Variants in GPC5 observed in about 807,000 individuals in gnomAD.
The protein encoded by GPC5 is glypican 5, also known as glypican-5.
A neutral mutation model predicts 53.9 loss-of-function variants in GPC5; 47 were observed. The ratio of observed to expected loss-of-function variants is 0.87; its 90% CI spans 0.69 to 1.11. GPC5 has a LOEUF of 1.11. Among genes scored for constraint, GPC5 ranks in the 50% most tolerant of loss-of-function variants. The probability of loss-of-function intolerance (pLI) is 0.00; values close to 1 mark genes in which losing one functional copy is unlikely to be tolerated. For synonymous variants in GPC5, 286 were observed against 263.3 expected, an observed-to-expected ratio of 1.09 and a Z score of -0.84; for missense variants, 748 against 713.1, an observed-to-expected ratio of 1.05 and a Z score of -0.56.
intron 2 of GPC5, among the ~76,000 whole-genome samples, chr13:91,657,699 T>A (rs958840338): frequency 2.4e-4 from 36 of 151,376 alleles, no homozygotes; most frequent in African/African-American, 7.5e-4. Context: ...CTAAACCTGA[T>A]AAAAAAAAAT....
intron 7 of GPC5, among the ~76,000 whole-genome samples, chr13:92,502,993 T>G (rs1043013795): frequency 6.6e-6 from 1 of 151,960 alleles, no homozygotes; most frequent in African/African-American, 2.4e-5. Flanking sequence ...CATAATGTGT[T>G]CTACAATAAT....
chr13:91,744,813 C>T (rs1481249441), intron 4 of GPC5, among the ~76,000 whole-genome samples: 2 of 151,964 alleles, frequency 1.3e-5, no homozygotes, highest in African/African-American at 4.8e-5. Flanking sequence ...AAGATTTGAC[C>T]TAAAATACTG....
At chr13:92,344,362 A>G (rs1456579609) in intron 7 of GPC5, among the ~76,000 whole-genome samples, 2 of 152,248 alleles carry the variant, frequency 1.3e-5, no homozygotes, top group Non-Finnish European at 2.9e-5. Context: ...CTCCCACGAC[A>G]TGCAGGGATT....
chr13:91,706,622 T>C (rs1013978282), intron 3 of GPC5, among the ~76,000 whole-genome samples: 1 of 152,114 alleles, frequency 6.6e-6, no homozygotes, highest in Non-Finnish European at 1.5e-5. Flanking sequence ...AGGTTGCTTA[T>C]GATGGATGGT....
chr13:92,782,222 C>A (rs1408724929), intron 7 of GPC5, among the ~76,000 whole-genome samples: 1 of 152,098 alleles, frequency 6.6e-6, no homozygotes, highest in Non-Finnish European at 1.5e-5. Flanking sequence ...AGTTTTTTAT[C>A]CCCTTTCTAC....
At chr13:91,928,425 G>T (rs1393249082) in intron 6 of GPC5, among the ~76,000 whole-genome samples, 1 of 152,158 alleles carries the variant, frequency 6.6e-6, no homozygotes, top group African/African-American at 2.4e-5. Context: ...TTAACAGAGT[G>T]CCCCTTCCTT....
intron 5 of GPC5, among the ~76,000 whole-genome samples, chr13:91,798,646 G>A (rs1350095746): frequency 1.3e-5 from 2 of 152,104 alleles, no homozygotes; most frequent in South Asian, 2.1e-4. Flanking sequence ...GTGCTACAAT[G>A]AATATACATG....
chr13:92,460,892 T>C (rs1878451244), intron 7 of GPC5, among the ~76,000 whole-genome samples: 1 of 152,128 alleles, frequency 6.6e-6, no homozygotes, highest in South Asian at 2.1e-4. Flanking sequence ...ATAATGAAAG[T>C]TGTGTTTCTC....
chr13:92,325,983 G>T (rs1351285030), intron 7 of GPC5, among the ~76,000 whole-genome samples: 2 of 152,038 alleles, frequency 1.3e-5, no homozygotes, highest in Non-Finnish European at 2.9e-5. Context: ...ATTTAAATGT[G>T]TGTAGTTCAT....
intron 7 of GPC5, among the ~76,000 whole-genome samples, chr13:92,822,849 T>C (rs899856975): frequency 4.6e-5 from 7 of 152,154 alleles, no homozygotes; most frequent in Non-Finnish European, 8.8e-5. Flanking sequence ...GATCTTGTCT[T>C]GGGTTTTGTC....
chr13:92,261,030 A>G (rs917477623), intron 7 of GPC5, among the ~76,000 whole-genome samples: 1 of 152,198 alleles, frequency 6.6e-6, no homozygotes, highest in African/African-American at 2.4e-5. Flanking sequence ...CTAATATCCC[A>G]ATACTTATAT....
At chr13:92,295,806 G>C (rs1317717426) in intron 7 of GPC5, among the ~76,000 whole-genome samples, 9 of 152,156 alleles carry the variant, frequency 5.9e-5, no homozygotes, top group Non-Finnish European at 1.3e-4. Context: ...CCATTTGCCT[G>C]AAATGTCTTT....
chr13:91,987,851 TTA>T (rs1217888780), intron 6 of GPC5, among the ~76,000 whole-genome samples: 1 of 145,458 alleles, frequency 6.9e-6, no homozygotes, highest in African/African-American at 2.5e-5. Flanking sequence ...CTATATATAA[TTA>T]TATATATTAT....
chr13:92,089,736 G>T (rs2041364446), intron 6 of GPC5, among the ~76,000 whole-genome samples: 1 of 152,018 alleles, frequency 6.6e-6, no homozygotes, highest in Admixed American at 6.6e-5. Context: ...AACTATTTAA[G>T]ATTAGTTACA....
intron 2 of GPC5, among the ~76,000 whole-genome samples, chr13:91,564,489 A>G (rs1035044740): frequency 6.6e-6 from 1 of 152,210 alleles, no homozygotes; most frequent in Admixed American, 6.5e-5. Context: ...TCCTTGGGAT[A>G]CAGACAGATA....
intron 7 of GPC5, among the ~76,000 whole-genome samples, chr13:92,483,318 A>T (rs1879426125): frequency 6.6e-6 from 1 of 152,230 alleles, no homozygotes; most frequent in Non-Finnish European, 1.5e-5. Flanking sequence ...TACATGGTGG[A>T]GCCTTTTGCT....
chr13:92,089,571 A>G (rs1288527389), intron 6 of GPC5, among the ~76,000 whole-genome samples: 4 of 152,210 alleles, frequency 2.6e-5, no homozygotes, highest in Non-Finnish European at 1.5e-5. Context: ...TTAATATCTT[A>G]TCTTGAAATC....
intron 1 of GPC5, among the ~76,000 whole-genome samples, chr13:91,432,207 GTGTGTGTGTGTGTGTGT>G (rs1459399863): frequency 8.2e-6 from 1 of 121,546 alleles, no homozygotes; most frequent in African/African-American, 3.5e-5. Context: ...CTGCTGCTGT[GTGTGTGTGTGTGTGTGT>G]GTGTGTGTGT....
chr13:92,083,561 C>G (rs1055286007), intron 6 of GPC5, among the ~76,000 whole-genome samples: 2 of 152,040 alleles, frequency 1.3e-5, no homozygotes, highest in South Asian at 2.1e-4. Context: ...TACCTTAGAA[C>G]TTAAAGTATA....
Sources: allele counts gnomAD v4.1 joint callset (sites outside exome capture counted in the v4.1 genomes callset), GRCh38; gene constraint gnomAD v4.1.1; transcripts MANE v1.5; gene names NCBI Gene and HGNC (gene_info 2026-07-23, HGNC 2026-07-21).